Variants in TPTE2 observed in about 807,000 individuals in gnomAD.
TPTE2 encodes transmembrane phosphoinositide 3-phosphatase and tensin homolog 2.
In TPTE2, 53 loss-of-function variants were observed where a neutral mutation model predicts 78.6. The ratio of observed to expected loss-of-function variants is 0.67; its 90% CI spans 0.54 to 0.85. TPTE2 has a LOEUF of 0.85. TPTE2 is among the 40% of genes least tolerant of loss of function. The probability of loss-of-function intolerance (pLI) is 0.00; values close to 1 mark genes in which losing one functional copy is unlikely to be tolerated. For synonymous variants in TPTE2, 175 were observed against 206.2 expected (o/e 0.85, Z 1.30); for missense variants, 461 against 623.0 (o/e 0.74, Z 2.77).
the TPTE2 span, among the ~76,000 whole-genome samples, chr13:19,549,665 T>C: frequency 2.5e-5 from 2 of 81,006 alleles, no homozygotes; most frequent in African/African-American, 5.5e-5. Flanking sequence ...TATGCCCAAA[T>C]GAATATAAAT....
intron 17 of TPTE2, among the ~76,000 whole-genome samples, chr13:19,429,387 G>A (rs1214890792): frequency 6.6e-6 from 1 of 152,234 alleles, no homozygotes; most frequent in African/African-American, 2.4e-5. Context: ...CTGAGGCAAA[G>A]AGAATCAAAG....
chr13:19,469,206 G>A (rs907296408), intron 6 of TPTE2, among the ~76,000 whole-genome samples: 15 of 152,308 alleles, frequency 9.8e-5, no homozygotes, highest in African/African-American at 3.6e-4. Flanking sequence ...TGTATACGGT[G>A]AGAGGTAGGG....
intron 13 of TPTE2, among the ~76,000 whole-genome samples, chr13:19,442,480 C>CA (rs1408173590): frequency 6.6e-6 from 1 of 151,530 alleles, no homozygotes; most frequent in Non-Finnish European, 1.5e-5. Flanking sequence ...AGAGAGTGGC[C>CA]AACACTCTAA....
At chr13:19,537,192 A>G (rs145402030), upstream of TPTE2, among the ~76,000 whole-genome samples, 1,012 of 149,782 alleles carry the variant, frequency 6.8e-3, 8 homozygotes, top group African/African-American at 0.022. Context: ...ATGAAATGCT[A>G]TGGCATTTGC....
intron 17 of TPTE2, among the ~76,000 whole-genome samples, chr13:19,427,687 G>C (rs1876242372): frequency 6.6e-6 from 1 of 152,164 alleles, no homozygotes; most frequent in South Asian, 2.1e-4. Flanking sequence ...TGCTCATCAT[G>C]TTTTATCAGA....
rs1566042339 is a variant in TPTE2 at position 19,443,768 on chromosome 13, A to ACC, written c.974-5616_974-5615insGG. On this transcript the variant is annotated intron_variant, in intron 13 of 19. Coordinates refer to ENST00000400230, the Ensembl canonical transcript of TPTE2. ...CACACACACACACACACACACACAC[A>ACC]CACACACACACAGTCGTTAAGCAAT... is the stretch of plus-strand genomic sequence containing the variant. Among the ~76,000 whole-genome samples, 26 of 137,020 alleles carry ACC rather than the reference A, an allele frequency of 1.9e-4. 1 individual carries two copies. Among genetic ancestry groups the ACC allele is most frequent in the African/African-American group, 6.1e-4 (24 of 39,032 alleles). 89.9% of individuals were successfully genotyped at this position (137,020 alleles called of 152,430 possible).
intron 1 of TPTE2, among the ~76,000 whole-genome samples, chr13:19,513,026 A>G (rs185818493): frequency 6.6e-6 from 1 of 152,364 alleles, no homozygotes; most frequent in African/African-American, 2.4e-5. Context: ...CAACAGCAGC[A>G]GCGCTTGTTT....
chr13:19,463,458 T>G (rs1879066729), intron 10 of TPTE2, among the ~76,000 whole-genome samples: 1 of 152,226 alleles, frequency 6.6e-6, no homozygotes, highest in African/African-American at 2.4e-5. Context: ...GATCATTATT[T>G]TGAATTCCTT....
intron 6 of TPTE2, among the ~76,000 whole-genome samples, chr13:19,471,149 C>A (rs1205105830): frequency 1.3e-5 from 2 of 152,070 alleles, no homozygotes; most frequent in Non-Finnish European, 2.9e-5. Context: ...ACCTCATGAT[C>A]TGCCTGCCTT....
chr13:19,545,147 T>G, the TPTE2 span, among the ~76,000 whole-genome samples: 1 of 151,966 alleles, frequency 6.6e-6, no homozygotes, highest in Admixed American at 6.6e-5. Flanking sequence ...AGATGAAAAG[T>G]GCACAAATGA....
chr13:19,560,999 G>T, the TPTE2 span: 2 of 1,579,344 alleles, frequency 1.3e-6, no homozygotes, highest in Non-Finnish European at 1.7e-6. Context: ...GTGGTAGCCG[G>T]AGGCCACGTC....
chr13:19,471,013 G>A (rs1442618458), intron 6 of TPTE2, among the ~76,000 whole-genome samples: 3 of 151,770 alleles, frequency 2.0e-5, no homozygotes, highest in Admixed American at 2.0e-4. Flanking sequence ...GGGTTCAAGT[G>A]ATTCTCCTGC....
chr13:19,492,149 G>A (rs1481263309), intron 3 of TPTE2, among the ~76,000 whole-genome samples: 2 of 152,072 alleles, frequency 1.3e-5, no homozygotes, highest in South Asian at 4.1e-4. Context: ...GTTTTCACAT[G>A]ACTGGGAAAA....
At chr13:19,484,618 A>C (rs1880547119) in intron 3 of TPTE2, among the ~76,000 whole-genome samples, 1 of 152,152 alleles carries the variant, frequency 6.6e-6, no homozygotes, top group South Asian at 2.1e-4. Context: ...TAGATCTATT[A>C]ATATTCACTT....
At chr13:19,508,784 T>C (rs1012177479) in intron 1 of TPTE2, among the ~76,000 whole-genome samples, 2 of 152,106 alleles carry the variant, frequency 1.3e-5, no homozygotes, top group African/African-American at 4.8e-5. Flanking sequence ...TTTCCCAGAA[T>C]TCAAGAAAGA....
chr13:19,525,486 CTAGCCA>C lies in TPTE2; in HGVS notation c.-44+11104_-44+11109del, dbSNP rs534258966. Among the ~76,000 whole-genome samples the C allele has an allele frequency of 1.8e-4, 28 of 152,286 alleles. 1 individual carries two copies. The highest frequency in any genetic ancestry group is 1.5e-3 in the East Asian group (8 of 5,182). On this transcript the variant is annotated intron_variant, in intron 1 of 17. Coordinates refer to the TPTE2 transcript ENST00000390680. Reference sequence around the variant, plus strand: ...CAACAAATGGTGCTGGGATAACTGACTAGCCATATGCAGAAGATTGAAACTGGACCC... The same window carrying C: ...CAACAAATGGTGCTGGGATAACTGACTATGCAGAAGATTGAAACTGGACCC...
At chr13:19,540,454 G>A (rs1871409300), upstream of TPTE2, among the ~76,000 whole-genome samples, 1 of 151,810 alleles carries the variant, frequency 6.6e-6, no homozygotes. Flanking sequence ...ACAGGCGTGT[G>A]CCACCACACC....
intron 1 of TPTE2, among the ~76,000 whole-genome samples, chr13:19,499,563 G>A (rs1356379296): frequency 6.9e-6 from 1 of 144,770 alleles, no homozygotes; most frequent in African/African-American, 2.6e-5. Flanking sequence ...GGTATATAAC[G>A]AAATGAAGGC....
intron 7 of TPTE2, among the ~76,000 whole-genome samples, chr13:19,466,055 A>G (rs997961293): frequency 6.6e-6 from 1 of 152,170 alleles, no homozygotes; most frequent in African/African-American, 2.4e-5. Flanking sequence ...CTGCTAATGC[A>G]CATCAGGCAG....
Sources: gnomAD v4.1 joint callset for allele counts (sites outside exome capture counted in the v4.1 genomes callset) on GRCh38, gnomAD v4.1.1 for gene constraint, MANE v1.5 for transcripts, NCBI Gene and HGNC (gene_info 2026-07-23, HGNC 2026-07-21) for gene names.